ASTN2: variants seen among roughly 807,000 people sequenced by gnomAD.
ASTN2 encodes the protein astrotactin 2.
ASTN2 carries 54 observed loss-of-function variants against 139.8 expected under a neutral mutation model. The observed-to-expected ratio is 0.39, with a 90% CI of 0.31 to 0.48. The LOEUF is 0.48. ASTN2 is among the 20% of genes least tolerant of loss of function. ASTN2 has a pLI of 0.95. For synonymous variants in ASTN2, 756 were observed against 719.5 expected (o/e 1.05, Z -0.81); for missense variants, 1,565 against 1,725.1 (o/e 0.91, Z 1.64).
At chr9:117,294,133 T>G (rs558545013) in intron 1 of ASTN2, among the ~76,000 whole-genome samples, 3 of 152,390 alleles carry the variant, frequency 2.0e-5, no homozygotes, top group East Asian at 3.9e-4. Context: ...GGTTAGTGAC[T>G]TAAGTTCACT....
At chr9:117,381,580 G>A (rs1047211695) in intron 1 of ASTN2, among the ~76,000 whole-genome samples, 50 of 152,140 alleles carry the variant, frequency 3.3e-4, no homozygotes, top group African/African-American at 1.1e-3. Flanking sequence ...ATATTAAGAA[G>A]CCTGCTCTTG....
chr9:116,657,076 G>A (rs925370553), intron 16 of ASTN2, among the ~76,000 whole-genome samples: 2 of 152,142 alleles, frequency 1.3e-5, no homozygotes, highest in Admixed American at 6.5e-5. Context: ...TTTCTTAGGC[G>A]GAGTTACTGT....
At chr9:116,967,224 A>C (rs182633305) in intron 10 of ASTN2, among the ~76,000 whole-genome samples, 47 of 152,298 alleles carry the variant, frequency 3.1e-4, no homozygotes, top group African/African-American at 1.1e-3. Flanking sequence ...ATTCTCAAAA[A>C]AACATTCAAA....
At chr9:116,671,138 A>G (rs1859172127) in intron 16 of ASTN2, among the ~76,000 whole-genome samples, 1 of 152,194 alleles carries the variant, frequency 6.6e-6, no homozygotes, top group Non-Finnish European at 1.5e-5. Context: ...TTAAGTAAAT[A>G]AAATCCCAAA....
chr9:116,758,930 G>A (rs1416384209), intron 13 of ASTN2, among the ~76,000 whole-genome samples: 1 of 152,110 alleles, frequency 6.6e-6, no homozygotes, highest in Non-Finnish European at 1.5e-5. Flanking sequence ...GTCTTGCTCT[G>A]TCACCCAGGC....
intron 7 of ASTN2, among the ~76,000 whole-genome samples, chr9:116,978,450 CTG>C (rs1419751507): frequency 6.6e-6 from 1 of 151,640 alleles, no homozygotes; most frequent in Non-Finnish European, 1.5e-5. Context: ...TTATCTCTCT[CTG>C]TATCTCTCTC....
intron 1 of ASTN2, among the ~76,000 whole-genome samples, chr9:117,357,744 TAG>T (rs556890017): frequency 2.0e-5 from 3 of 152,172 alleles, no homozygotes; most frequent in Admixed American, 6.5e-5. Flanking sequence ...CTATTTTGAC[TAG>T]AGTCTTTAAT....
At chr9:116,736,471 GAC>G (rs1487012671) in intron 13 of ASTN2, among the ~76,000 whole-genome samples, 1 of 152,104 alleles carries the variant, frequency 6.6e-6, no homozygotes, top group African/African-American at 2.4e-5. Context: ...ACCTGCCTGT[GAC>G]ACACACAGAC....
At chr9:117,213,166 C>A (rs1564482399) in intron 3 of ASTN2, among the ~76,000 whole-genome samples, 1 of 151,966 alleles carries the variant, frequency 6.6e-6, no homozygotes, top group African/African-American at 2.4e-5. Context: ...TTATATTAAG[C>A]AAAATAAGAC....
At position 116,767,738 on chromosome 9, in the gene ASTN2, G is replaced by A. The variant is rs189293230; in HGVS notation, c.2397-34215C>T. Among the ~76,000 whole-genome samples, 944 of 152,278 alleles carry A rather than the reference G, an allele frequency of 6.2e-3. 65 individuals carry two copies. The South Asian group carries it at 0.16, about 26-fold the overall frequency. Reference sequence around the variant, plus strand: ...AGAACCCTCGTGAGCAGGGGTCCCTGCAGCCAGAACTAGCAGATCCATCCT... The same window carrying A: ...AGAACCCTCGTGAGCAGGGGTCCCTACAGCCAGAACTAGCAGATCCATCCT... On this transcript the variant is annotated intron_variant, in intron 13 of 22. Coordinates refer to ENST00000313400, the MANE Select transcript of ASTN2 (RefSeq NM_001365068.1).
chr9:116,458,819 A>C (rs1212954981), intron 20 of ASTN2, among the ~76,000 whole-genome samples: 1 of 152,066 alleles, frequency 6.6e-6, no homozygotes, highest in Non-Finnish European at 1.5e-5. Flanking sequence ...TAACACTGTT[A>C]AACTGGAAAT....
At chr9:117,126,398 T>C (rs1829690240) in intron 4 of ASTN2, among the ~76,000 whole-genome samples, 2 of 152,238 alleles carry the variant, frequency 1.3e-5, no homozygotes, top group Admixed American at 1.3e-4. Flanking sequence ...ACTTACTTCA[T>C]GTCTCTGAAC....
intron 2 of ASTN2, among the ~76,000 whole-genome samples, chr9:117,243,202 G>A (rs535783592): frequency 6.6e-6 from 1 of 152,334 alleles, no homozygotes; most frequent in South Asian, 2.1e-4. Context: ...GTGATACTAT[G>A]TTGTCTAACT....
At chr9:117,282,878 G>A (rs1834357838) in intron 2 of ASTN2, among the ~76,000 whole-genome samples, 1 of 134,910 alleles carries the variant, frequency 7.4e-6, no homozygotes. Context: ...TGGTCTGTTT[G>A]CAGAATAAAC....
intron 19 of ASTN2, chr9:116,547,422 G>A (rs773488392): frequency 6.6e-6 from 1 of 152,186 alleles, no homozygotes; most frequent in Non-Finnish European, 1.5e-5. Context: ...AAGTAGTGGA[G>A]AGTCAAACTC....
At chr9:117,413,550 A>T (rs986277419) in intron 1 of ASTN2, among the ~76,000 whole-genome samples, 19 of 152,158 alleles carry the variant, frequency 1.2e-4, no homozygotes, top group Admixed American at 5.9e-4. Flanking sequence ...CGAGATAATT[A>T]AGCTATCAAT....
chr9:116,947,782 T>C (rs192370659), intron 10 of ASTN2, among the ~76,000 whole-genome samples: 2 of 152,308 alleles, frequency 1.3e-5, no homozygotes, highest in East Asian at 3.9e-4. Flanking sequence ...ATAATAACAA[T>C]ATAGCCATCA....
chr9:117,370,759 T>C (rs1001052659), intron 1 of ASTN2, among the ~76,000 whole-genome samples: 2 of 152,010 alleles, frequency 1.3e-5, no homozygotes, highest in Admixed American at 6.6e-5. Flanking sequence ...CAGGCTGGAG[T>C]GCAGTGATGA....
Position 116,911,898 on chromosome 9 carries a change from A to G in ASTN2, c.1890-48165T>C, listed in dbSNP as rs927489615. Among the ~76,000 whole-genome samples, 54 of 152,246 alleles carry G rather than the reference A, an allele frequency of 3.5e-4. No homozygotes were observed. The Middle Eastern group carries it at 0.014, about 38-fold the overall frequency. On this transcript the variant is annotated intron_variant, in intron 10 of 22. Transcript: ENST00000313400. Reference sequence around the variant, plus strand: ...GCAGAGGGAAACTCCACCTCAAACAAACAAACAAACAAACAAACAAAACCT... The same window carrying G: ...GCAGAGGGAAACTCCACCTCAAACAGACAAACAAACAAACAAACAAAACCT...
Sources: gnomAD v4.1 joint callset for allele counts (sites outside exome capture counted in the v4.1 genomes callset) on GRCh38, gnomAD v4.1.1 for gene constraint, MANE v1.5 for transcripts, NCBI Gene and HGNC (gene_info 2026-07-23, HGNC 2026-07-21) for gene names.